AFF1: variants seen among roughly 807,000 people sequenced by gnomAD.
AFF1 encodes AF4/FMR2 family member 1.
In AFF1, 48 loss-of-function variants were observed where a neutral mutation model predicts 121.7. That is an observed-to-expected ratio of 0.39 (90% CI 0.31 to 0.50). AFF1 has a LOEUF of 0.50. Ranked by LOEUF, AFF1 falls within the 20% of genes least tolerant of loss-of-function variation. The probability of loss-of-function intolerance (pLI) is 0.76; values close to 1 mark genes in which losing one functional copy is unlikely to be tolerated. For synonymous variants in AFF1, 613 were observed against 563.0 expected (o/e 1.09, Z -1.26); for missense variants, 1,523 against 1,511.7 (o/e 1.01, Z -0.12).
At chr4:87,089,876 A>C (rs2149713551) in intron 5 of AFF1, 108 bp from the exon 6 acceptor site, 1 of 738,624 alleles carries the variant, frequency 1.4e-6, no homozygotes, top group South Asian at 1.8e-5. Flanking sequence ...TTAAGATTGT[A>C]CTTGCCATTT....
At chr4:87,007,226 C>T (rs1305715654) in intron 2 of AFF1, 1 of 1,458,588 alleles carries the variant, frequency 6.9e-7, no homozygotes, top group South Asian at 1.4e-5. Flanking sequence ...CAATACGGGC[C>T]GAGCCCGGGG....
intron 2 of AFF1, among the ~76,000 whole-genome samples, chr4:87,009,042 G>A (rs1221752062): frequency 6.6e-6 from 1 of 152,182 alleles, no homozygotes; most frequent in Non-Finnish European, 1.5e-5. Flanking sequence ...ATAGCGCAGG[G>A]ATTTGTACCC....
intron 4 of AFF1, among the ~76,000 whole-genome samples, chr4:87,071,693 G>T (rs1383127652): frequency 6.6e-6 from 1 of 152,132 alleles, no homozygotes; most frequent in Admixed American, 6.5e-5. Flanking sequence ...ACTTGTGCTG[G>T]TTGACCCTCC....
At chr4:86,986,676 C>T (rs886819059) in intron 2 of AFF1, among the ~76,000 whole-genome samples, 1 of 151,908 alleles carries the variant, frequency 6.6e-6, no homozygotes, top group Non-Finnish European at 1.5e-5. Context: ...AGAGACATAT[C>T]AACCCTTAAT....
chr4:87,115,235 G>A lies in AFF1; in HGVS notation c.2402G>A (p.Gly801Glu), dbSNP rs1159808333. The A allele has an allele frequency of 1.2e-6, 2 of 1,614,062 alleles. No homozygotes were observed. The highest frequency in any genetic ancestry group is 2.2e-5 in the East Asian group (1 of 44,878). The change falls in exon 12 of 21, where the codon GGG (glycine) becomes GAG (glutamate). Residue 801 changes from glycine to glutamate, a missense_variant. Physicochemically the swap from Gly to Glu is moderately conservative, Grantham distance 98. Around this residue, in one of 5 missense-constraint regions of AFF1, gnomAD observed 905 missense variants for 842.5 expected, o/e 1.07. Transcript: ENST00000395146. ...GCAGAAGATAAACAGCCGCCCGCAG[G>A]GAAGAAGCACAGCTCTGAGAAGAGG... Reference protein sequence around the residue: ...RKAEDKQPPAGKKHSSEKRSS... With the variant: ...RKAEDKQPPAEKKHSSEKRSS...
chr4:86,995,620 G>GCTCA (rs60194691), intron 2 of AFF1, among the ~76,000 whole-genome samples: 9,904 of 151,554 alleles, frequency 0.065, 600 homozygotes, highest in African/African-American at 0.16. Flanking sequence ...AGTGCTCAAT[G>GCTCA]GTGCCCAGGC....
chr4:86,966,004 TTTTTG>T (rs1722510784), intron 2 of AFF1, among the ~76,000 whole-genome samples: 1 of 151,994 alleles, frequency 6.6e-6, no homozygotes, highest in Non-Finnish European at 1.5e-5. Context: ...ATGAATGTGG[TTTTTG>T]GTGTGCTGTA....
At position 86,997,465 on chromosome 4, in the gene AFF1, T is replaced by C. The variant is rs72877914; in HGVS notation, c.39-48701T>C. Among the ~76,000 whole-genome samples, 201 of 152,242 alleles carry C rather than the reference T, an allele frequency of 1.3e-3. 1 individual carries two copies. Among genetic ancestry groups the C allele is most frequent in the African/African-American group, 4.6e-3 (190 of 41,558 alleles). On this transcript the variant is annotated intron_variant, in intron 2 of 20. Coordinates refer to ENST00000395146, the MANE Select transcript of AFF1 (RefSeq NM_001166693.3). ...TTAAGGCACATGCATTCTAAATATTTAAAAATGCATACTTGGGCTGGGCGC... is the reference window on the plus strand; with the variant it reads ...TTAAGGCACATGCATTCTAAATATTCAAAAATGCATACTTGGGCTGGGCGC...
At chr4:86,978,418 A>G (rs190982937) in intron 2 of AFF1, among the ~76,000 whole-genome samples, 28 of 151,900 alleles carry the variant, frequency 1.8e-4, no homozygotes, top group African/African-American at 6.5e-4. Context: ...TCCTGACTTC[A>G]TGATCCACCC....
intron 2 of AFF1, among the ~76,000 whole-genome samples, chr4:87,002,910 A>G (rs1350289536): frequency 6.6e-6 from 1 of 152,196 alleles, no homozygotes; most frequent in Admixed American, 6.5e-5. Context: ...AGAAAGCCAA[A>G]GAATTCTTTG....
At chr4:87,072,384 T>A (rs1005451600) in intron 4 of AFF1, among the ~76,000 whole-genome samples, 9 of 148,182 alleles carry the variant, frequency 6.1e-5, no homozygotes, top group African/African-American at 2.3e-4. Flanking sequence ...AAAAAAAAAT[T>A]TAAATTCAGA....
chr4:86,951,568 GGTAA>G (rs1721309633), intron 2 of AFF1, among the ~76,000 whole-genome samples: 1 of 151,368 alleles, frequency 6.6e-6, no homozygotes, highest in Non-Finnish European at 1.5e-5. Flanking sequence ...AATAGGAAAA[GGTAA>G]AGATGGGGGA....
At chr4:87,017,452 A>G (rs1398826534) in intron 2 of AFF1, among the ~76,000 whole-genome samples, 1 of 152,210 alleles carries the variant, frequency 6.6e-6, no homozygotes, top group Non-Finnish European at 1.5e-5. Flanking sequence ...AGAAATTCAT[A>G]TCGAGGAATG....
chr4:86,992,801 A>C (rs1451576190), intron 2 of AFF1, among the ~76,000 whole-genome samples: 1 of 152,258 alleles, frequency 6.6e-6, no homozygotes, highest in African/African-American at 2.4e-5. Flanking sequence ...GACAAGATTT[A>C]ATCAGCTCAA....
intron 1 of AFF1, among the ~76,000 whole-genome samples, chr4:86,937,351 A>G (rs1578804223): frequency 6.6e-6 from 1 of 152,328 alleles, no homozygotes; most frequent in South Asian, 2.1e-4. Context: ...CATGCGTAAC[A>G]GGCATGCATT....
In AFF1 at chr4:87,132,397, A is replaced by C. The variant is rs199981601; in HGVS notation, c.3300A>C (p.Pro1100=). The C allele has an allele frequency of 9.3e-6, 15 of 1,610,710 alleles. No homozygotes were observed. Among genetic ancestry groups the C allele is most frequent in the Non-Finnish European group, 1.3e-5 (15 of 1,179,064 alleles). ...CCAAAGTCGCCCAGGCACCTTCTCC[A>C]TGCATTGCAAGGTAACTCTAAGTCT... is the stretch of plus-strand genomic sequence containing the variant. The part of the protein sequence containing the change: ...SSSKVAQAPS[P]CIARSTGTPS... The change falls in exon 19 of 21, where the codon CCA becomes CCC. Residue 1100 remains proline (P), a synonymous_variant. Transcript: ENST00000395146.
chr4:86,981,678 A>G (rs1405478482), intron 2 of AFF1, among the ~76,000 whole-genome samples: 1 of 152,174 alleles, frequency 6.6e-6, no homozygotes, highest in Non-Finnish European at 1.5e-5. Flanking sequence ...CCTAGTTACT[A>G]TGTTTTAAAT....
At chr4:86,962,107 G>T (rs1327397586) in intron 2 of AFF1, among the ~76,000 whole-genome samples, 1 of 151,554 alleles carries the variant, frequency 6.6e-6, no homozygotes, top group Non-Finnish European at 1.5e-5. Context: ...GGGTATGCAC[G>T]AGCTGAGATA....
chr4:87,128,397 T>C (rs375415660), intron 16 of AFF1, among the ~76,000 whole-genome samples: 6 of 152,256 alleles, frequency 3.9e-5, no homozygotes, highest in African/African-American at 1.4e-4. Context: ...AATGAGATAA[T>C]GTTTGCCCTT....
Sources: allele counts gnomAD v4.1 joint callset (sites outside exome capture counted in the v4.1 genomes callset), GRCh38; gene constraint gnomAD v4.1.1; regional missense constraint gnomAD v4.1.1; transcripts MANE v1.5; gene names NCBI Gene and HGNC (gene_info 2026-07-23, HGNC 2026-07-21).